BOD1L1: variants seen among roughly 807,000 people sequenced by gnomAD.
BOD1L1 encodes the protein biorientation of chromosomes in cell division protein 1-like 1.
A neutral mutation model predicts 240.7 loss-of-function variants in BOD1L1; 86 were observed. The observed-to-expected ratio is 0.36, with a 90% CI of 0.30 to 0.43. The LOEUF is 0.43. Ranked by LOEUF, BOD1L1 falls within the 20% of genes least tolerant of loss-of-function variation. BOD1L1 has a pLI of 1.00. For synonymous variants in BOD1L1, 1,268 were observed against 1,272.3 expected (o/e 1.00, Z 0.07); for missense variants, 3,554 against 3,643.5 (o/e 0.98, Z 0.63).
At position 13,601,744 on chromosome 4, in the gene BOD1L1, G is replaced by C. The variant is rs1715196573; in HGVS notation, c.5156C>G (p.Pro1719Arg). The C allele has an allele frequency of 1.2e-6, 2 of 1,613,480 alleles. No homozygotes were observed. The highest frequency in any genetic ancestry group is 1.7e-6 in the Non-Finnish European group (2 of 1,179,848). ...GSQGNMMRMG[P>R]KKETEGTVTC... The stretch of plus-strand genomic sequence containing the variant: ...CACAGTGCCCTCTGTTTCTTTTTTG[G>C]GACCCATTCTCATCATATTTCCCTG... Residue 1719 changes from proline (P) to arginine (R), a missense_variant, in exon 10 of 26, where the codon CCC (proline) becomes CGC (arginine). This residue lies in a region of BOD1L1 where 3,393 missense variants were observed against 3,427.1 expected (regional missense o/e 0.99). Transcript: ENST00000040738.
At chr4:13,587,295 G>A (rs1403638390) in intron 16 of BOD1L1, among the ~76,000 whole-genome samples, 1 of 152,164 alleles carries the variant, frequency 6.6e-6, no homozygotes, top group East Asian at 1.9e-4. Flanking sequence ...CTACTAGAGG[G>A]CACCGTTACA....
chr4:13,601,497 C>T lies in BOD1L1; in HGVS notation c.5403G>A (p.Glu1801=), dbSNP rs773026551. The change falls in exon 10 of 26, where the codon GAG becomes GAA. Residue 1801 remains glutamate, a synonymous_variant. Transcript: ENST00000040738. ...CTGAACCTGTGCAACTTGCTGGCCC[C>T]TCTCCATCTTCTGTTATCCCCGTGC... is the stretch of plus-strand genomic sequence containing the variant. ...VTSTGITEDG[E]GPASCTGSED... is the part of the protein sequence containing the mutation. The T allele has an allele frequency of 1.2e-6, 2 of 1,614,036 alleles. No homozygotes were observed. Among genetic ancestry groups the T allele is most frequent in the Admixed American group, 3.3e-5 (2 of 60,030 alleles).
At chr4:13,582,847 T>C (rs764725276) in intron 17 of BOD1L1, 111 bp from the exon 18 acceptor site, 2 of 676,830 alleles carry the variant, frequency 3.0e-6, no homozygotes, top group Non-Finnish European at 5.0e-6. Context: ...CTAGCTCTTT[T>C]TAAGGATAGT....
At chr4:13,617,671 C>T (rs991406076) in intron 2 of BOD1L1, among the ~76,000 whole-genome samples, 11 of 152,190 alleles carry the variant, frequency 7.2e-5, no homozygotes, top group Admixed American at 6.5e-4. Context: ...AAAATTTTCC[C>T]TCCTACTGAG....
chr4:13,576,744 G>A (rs1253699791), intron 25 of BOD1L1, 94 bp downstream of exon 25: 2 of 1,428,362 alleles, frequency 1.4e-6, no homozygotes, highest in Non-Finnish European at 9.4e-7. Context: ...CAGCATGAAT[G>A]ATTCAGTTCA....
chr4:13,575,350 A>G (rs1712622121), intron 25 of BOD1L1, among the ~76,000 whole-genome samples: 2 of 152,192 alleles, frequency 1.3e-5, no homozygotes, highest in South Asian at 4.1e-4. Context: ...ACCAAGATTA[A>G]TAGCTTGTAA....
At chr4:13,589,817 T>G (rs1346982343) in intron 14 of BOD1L1, among the ~76,000 whole-genome samples, 1 of 152,198 alleles carries the variant, frequency 6.6e-6, no homozygotes, top group African/African-American at 2.4e-5. Context: ...TGGTATACAT[T>G]ATAAAAATAA....
chr4:13,599,956 C>T lies in BOD1L1; in HGVS notation c.6944G>A (p.Arg2315Gln), dbSNP rs772302524. The T allele has an allele frequency of 1.6e-5, 26 of 1,612,282 alleles. No homozygotes were observed. The highest frequency in any genetic ancestry group is 1.6e-4 in the Middle Eastern group (1 of 6,082). ...MIGAVLQDED[R>Q]LTITRVEDLS... is the part of the protein sequence containing the mutation. ...GTCTTCTACTCTTGTGATGGTGAGCCGATCTTCATCCTGGAGGACAGCACC... is the reference window on the plus strand; with the variant it reads ...GTCTTCTACTCTTGTGATGGTGAGCTGATCTTCATCCTGGAGGACAGCACC... The change falls in exon 10 of 26, where the codon CGG becomes CAG. Residue 2315 changes from arginine (R) to glutamine (Q), a missense_variant. By Grantham distance (43) the Arg-to-Gln change is conservative. Coordinates refer to ENST00000040738, the MANE Select transcript of BOD1L1 (RefSeq NM_148894.3).
At position 13,600,876 on chromosome 4, in the gene BOD1L1, G is replaced by GT. The variant is rs1938619358; in HGVS notation, c.6023dup (p.Tyr2008Ter). The GT allele has an allele frequency of 6.2e-7, 1 of 1,613,772 alleles. No homozygotes were observed. The highest frequency in any genetic ancestry group is 8.5e-7 in the Non-Finnish European group (1 of 1,179,818). ...TISTGLVGGS[Y>*]DVLVSGEVPE... ...GGACTTCACCAGATACAAGAACATC[G>GT]TAACTACCCCCGACCAGGCCAGTGG... The change falls in exon 10 of 26, where the codon TAC becomes TAAC. Residue 2008 changes from tyrosine to a stop codon, truncating the protein, a stop_gained and frameshift_variant. Transcript: ENST00000040738. LOFTEE classifies it high-confidence loss of function.
chr4:13,620,369 T>C (rs1716955495), intron 1 of BOD1L1, among the ~76,000 whole-genome samples: 1 of 152,218 alleles, frequency 6.6e-6, no homozygotes, highest in African/African-American at 2.4e-5. Context: ...TGAGGAAGCA[T>C]GCCTTCACTG....
chr4:13,623,835 T>G (rs1354876190), intron 1 of BOD1L1: 1 of 152,184 alleles, frequency 6.6e-6, no homozygotes, highest in East Asian at 1.9e-4. Flanking sequence ...ATGCTACAAG[T>G]TAAGACTTTT....
At position 13,601,519 on chromosome 4, in the gene BOD1L1, G is replaced by T; in HGVS notation, c.5381C>A (p.Thr1794Lys). ...CCCCTCTCCATCTTCTGTTATCCCC[G>T]TGCTGGTGACTGCACTCTCACCTTC... ...GTEGESAVTS[T>K]GITEDGEGPA... Residue 1794 changes from threonine (T) to lysine (K), a missense_variant, in exon 10 of 26, where the codon ACG becomes AAG. Transcript: ENST00000040738. The T allele has an allele frequency of 6.2e-7, 1 of 1,613,908 alleles. No individual in the cohort carries two copies.
At chr4:13,589,578 T>G (rs1051950354) in intron 14 of BOD1L1, among the ~76,000 whole-genome samples, 3 of 152,162 alleles carry the variant, frequency 2.0e-5, no homozygotes, top group Non-Finnish European at 4.4e-5. Context: ...GCAACATAGG[T>G]TACATATTGT....
In BOD1L1 at chr4:13,588,792, T is replaced by C; in HGVS notation, c.8210A>G (p.Glu2737Gly). 1 of 1,585,260 alleles carries C rather than the reference T, an allele frequency of 6.3e-7. No individual in the cohort carries two copies. The highest frequency in any genetic ancestry group is 8.6e-7 in the Non-Finnish European group (1 of 1,166,508). The part of the protein sequence containing the change: ...EIHSESYNKG[E>G]ISSGRKDNAE... ...GTTGTCTTTTCTACCACTGGATATC[T>C]CTGAGTAATAAATACAAAAAAGAAA... is the stretch of plus-strand genomic sequence containing the variant. The change falls in exon 15 of 26, where the codon GAG becomes GGG. Residue 2737 changes from glutamate (E) to glycine (G), a missense_variant and splice_region_variant. Coordinates refer to ENST00000040738, the MANE Select transcript of BOD1L1 (RefSeq NM_148894.3).
chr4:13,601,806 T>G lies in BOD1L1; in HGVS notation c.5094A>C (p.Arg1698Ser). ...GAVTSAGTEIRAGSISSEEVD... is the reference protein window; with the variant it reads ...GAVTSAGTEISAGSISSEEVD... The stretch of plus-strand genomic sequence containing the variant: ...CCTCTTCACTGCTTATAGATCCTGC[T>G]CTTATCTCTGTTCCAGCACTTGTAA... The change falls in exon 10 of 26, where the codon AGA (arginine) becomes AGC (serine). Residue 1698 changes from arginine (R) to serine (S), a missense_variant. Coordinates refer to ENST00000040738, the MANE Select transcript of BOD1L1 (RefSeq NM_148894.3). 1 of 1,613,998 alleles carries G rather than the reference T, an allele frequency of 6.2e-7. No individual in the cohort carries two copies.
In BOD1L1 at chr4:13,604,197, C is replaced by G. The variant is rs1560206042; in HGVS notation, c.2703G>C (p.Lys901Asn). Residue 901 changes from lysine (K) to asparagine (N), a missense_variant, in exon 10 of 26, where the codon AAG becomes AAC. Physicochemically the swap from Lys to Asn is moderately conservative, Grantham distance 94 (BLOSUM62 0). This residue lies in a region of BOD1L1 where 3,393 missense variants were observed against 3,427.1 expected (regional missense o/e 0.99). Transcript: ENST00000040738. ...ACACAAGTTTCTCTTCTAACAAGCT[C>G]TTTGTTCGTCGTTTCTCCTTGTGAA... Reference protein sequence around the residue: ...EVVHKEKRRTKSLLEEKLVLK... With the variant: ...EVVHKEKRRTNSLLEEKLVLK... 2 of 1,613,526 alleles carry G rather than the reference C, an allele frequency of 1.2e-6. No individual in the cohort carries two copies. Among genetic ancestry groups the G allele is most frequent in the Non-Finnish European group, 1.7e-6 (2 of 1,179,762 alleles).
chr4:13,598,788 T>G (rs1318397253), intron 10 of BOD1L1, among the ~76,000 whole-genome samples, 158 bp downstream of exon 10: 1 of 152,216 alleles, frequency 6.6e-6, no homozygotes, highest in Non-Finnish European at 1.5e-5. Context: ...TCAAGTTTGA[T>G]GAGAGTTATT....
In BOD1L1 at chr4:13,609,297, T is replaced by C; in HGVS notation, c.1601A>G (p.Gln534Arg). ...ATATTAAAAGTTGACATCTATACCT[T>C]GACCCTTGGTTTTTGAAGACTTTGT... ...EKTKSSKTKG[Q>R]GRSSVDLEES... The change falls in exon 7 of 26, where the codon CAA becomes CGA. Residue 534 changes from glutamine to arginine, a missense_variant and splice_region_variant. Gln to Arg is a conservative substitution (Grantham distance 43). Transcript: ENST00000040738. The C allele has an allele frequency of 6.5e-7, 1 of 1,526,720 alleles. No homozygotes were observed. Among genetic ancestry groups the C allele is most frequent in the East Asian group, 2.4e-5 (1 of 42,058 alleles). 94.6% of individuals were successfully genotyped at this position (1,526,720 alleles called of 1,614,324 possible).
intron 8 of BOD1L1, among the ~76,000 whole-genome samples, chr4:13,607,623 C>T (rs1021441569): frequency 6.6e-6 from 1 of 152,118 alleles, no homozygotes; most frequent in African/African-American, 2.4e-5. Context: ...TACACTTGAT[C>T]GACAAATGCA....
Sources: allele counts gnomAD v4.1 joint callset (sites outside exome capture counted in the v4.1 genomes callset), GRCh38; gene constraint gnomAD v4.1.1; regional missense constraint gnomAD v4.1.1; transcripts MANE v1.5; gene names NCBI Gene and HGNC (gene_info 2026-07-23, HGNC 2026-07-21).